The following TEKT1 variants were observed in gnomAD, a reference collection of about 807,000 sequenced individuals.
The protein encoded by TEKT1 is tektin-1.
Under a neutral mutation model 34.8 loss-of-function variants are expected in TEKT1, and 32 were observed. That is an observed-to-expected ratio of 0.92 (90% CI 0.69 to 1.23). The LOEUF is 1.23. Among genes scored for constraint, TEKT1 ranks in the 50% most tolerant of loss-of-function variants. TEKT1 has a pLI of 0.00. For missense variants in TEKT1, 492 were observed against 518.5 expected (o/e 0.95, Z 0.50); for synonymous variants, 207 against 199.8 (o/e 1.04, Z -0.30).
At chr17:6,821,591 T>C (rs1288824934) in intron 2 of TEKT1, among the ~76,000 whole-genome samples, 1 of 152,212 alleles carries the variant, frequency 6.6e-6, no homozygotes, top group African/African-American at 2.4e-5. Context: ...GCTATAAAGA[T>C]AACCTGGAAA....
In TEKT1 at chr17:6,815,860, G is replaced by A; in HGVS notation, c.459C>T (p.Thr153=). 1 of 1,614,192 alleles carries A rather than the reference G, an allele frequency of 6.2e-7. No individual in the cohort carries two copies. The highest frequency in any genetic ancestry group is 8.5e-7 in the Non-Finnish European group (1 of 1,180,032). ...GAATCTGCTCGGAAGCCTCCTCCAA[G>A]GTACGGGTCAGCAGAGCCATAATGC... is the stretch of plus-strand genomic sequence containing the variant. ...IQGIMALLTR[T]LEEASEQIRM... Residue 153 remains threonine (T), a synonymous_variant, in exon 4 of 8, where the codon ACC becomes ACT. Transcript: ENST00000338694.
chr17:6,828,008 G>A (rs986420528), intron 2 of TEKT1, among the ~76,000 whole-genome samples: 21 of 151,776 alleles, frequency 1.4e-4, no homozygotes, highest in African/African-American at 3.6e-4. Context: ...GCAGTGGCAC[G>A]ATCTCGGCTC....
chr17:6,810,747 A>AT (rs141051341), intron 6 of TEKT1, among the ~76,000 whole-genome samples: 13,272 of 151,696 alleles, frequency 0.087, 682 homozygotes, highest in Middle Eastern at 0.18. Context: ...ATTTTTATGC[A>AT]TTTTTTTTGA....
chr17:6,813,658 T>C (rs1976959525), intron 5 of TEKT1, among the ~76,000 whole-genome samples: 1 of 151,664 alleles, frequency 6.6e-6, no homozygotes, highest in South Asian at 2.1e-4. Context: ...TCAGGAAAGT[T>C]ATTACCTTCA....
chr17:6,807,112 A>T (rs1976855642), intron 6 of TEKT1, among the ~76,000 whole-genome samples: 1 of 152,144 alleles, frequency 6.6e-6, no homozygotes, highest in African/African-American at 2.4e-5. Flanking sequence ...CACCAATCAG[A>T]TGTAGATTTG....
At chr17:6,823,762 A>T (rs1256018764) in intron 2 of TEKT1, among the ~76,000 whole-genome samples, 1 of 150,720 alleles carries the variant, frequency 6.6e-6, no homozygotes, top group Non-Finnish European at 1.5e-5. Flanking sequence ...TCTCTTAGAC[A>T]TTTAGACAAC....
intron 7 of TEKT1, among the ~76,000 whole-genome samples, chr17:6,800,507 G>A (rs1976754869): frequency 6.6e-6 from 1 of 152,206 alleles, no homozygotes. Flanking sequence ...GTTTAAAACT[G>A]CAGATTTGAC....
intron 6 of TEKT1, among the ~76,000 whole-genome samples, chr17:6,807,863 T>C (rs1347276483): frequency 6.6e-6 from 1 of 152,186 alleles, no homozygotes; most frequent in African/African-American, 2.4e-5. Flanking sequence ...CCGTGTGAGG[T>C]GTCAGTCTGC....
In TEKT1 at chr17:6,798,522, C is replaced by G. The variant is rs373353028; in HGVS notation, c.*1505G>C. Reference sequence around the variant, plus strand: ...GGCTTCCCAGTGAGCAGAGAGGGGCCTCCCTCCTTGATTGAGGCATGGGAA... The same window carrying G: ...GGCTTCCCAGTGAGCAGAGAGGGGCGTCCCTCCTTGATTGAGGCATGGGAA... On this transcript the variant is annotated 3_prime_UTR_variant, in exon 8 of 8. Transcript: ENST00000338694. The G allele has an allele frequency of 3.3e-5, 5 of 152,272 alleles. No homozygotes were observed. The East Asian group carries it at 5.8e-4, about 18-fold the overall frequency. The allele number at this position is 152,272 out of a possible 1,614,324, so 9.4% of individuals were successfully genotyped here.
At chr17:6,804,180 C>T (rs1229097700) in intron 6 of TEKT1, among the ~76,000 whole-genome samples, 1 of 152,044 alleles carries the variant, frequency 6.6e-6, no homozygotes, top group Non-Finnish European at 1.5e-5. Flanking sequence ...CTTCACATCC[C>T]TTGTAAATTG....
At chr17:6,802,890 G>T (rs1229623698) in intron 6 of TEKT1, among the ~76,000 whole-genome samples, 2 of 152,078 alleles carry the variant, frequency 1.3e-5, no homozygotes, top group Non-Finnish European at 1.5e-5. Flanking sequence ...CCAAGTCTTT[G>T]CTATTGTGAA....
At chr17:6,824,720 A>G (rs974575492) in intron 2 of TEKT1, among the ~76,000 whole-genome samples, 20 of 152,204 alleles carry the variant, frequency 1.3e-4, no homozygotes, top group African/African-American at 4.8e-4. Flanking sequence ...AGCATCTAGC[A>G]CAGGGTCAGA....
chr17:6,829,008 G>A (rs112241111), intron 2 of TEKT1, among the ~76,000 whole-genome samples: 4,879 of 152,008 alleles, frequency 0.032, 118 homozygotes, highest in Non-Finnish European at 0.051. Flanking sequence ...AAAATTAGCC[G>A]GGTGTGATGG....
chr17:6,818,412 C>A (rs1294060026), intron 3 of TEKT1, among the ~76,000 whole-genome samples: 1 of 152,050 alleles, frequency 6.6e-6, no homozygotes, highest in Non-Finnish European at 1.5e-5. Context: ...TAGAAAGGAT[C>A]ATTCTATTCA....
rs918518159 is a variant in TEKT1, at chr17:6,811,882, C to A, written c.852+949G>T. Among the ~76,000 whole-genome samples, 1 of 152,216 alleles carries A rather than the reference C, an allele frequency of 6.6e-6. No homozygotes were observed. Among genetic ancestry groups the A allele is most frequent in the South Asian group, 2.1e-4 (1 of 4,824 alleles). On this transcript the variant is annotated intron_variant, in intron 6 of 7. Transcript: ENST00000338694. This position sits in a 1 kb window ranked among gnomAD's most constrained non-coding sequence, Gnocchi z 4.4. ...ACATCGACAAATTCTACAGGAAGGA[C>A]CCTAATCTGTAGAATTTGCCGATAT...
chr17:6,821,464 G>A (rs899975784), intron 2 of TEKT1, among the ~76,000 whole-genome samples: 3 of 152,178 alleles, frequency 2.0e-5, no homozygotes, highest in African/African-American at 7.2e-5. Context: ...CCCTAGCCAT[G>A]TGGAACTGTG....
intron 3 of TEKT1, among the ~76,000 whole-genome samples, chr17:6,818,020 A>G (rs1166314278): frequency 6.6e-5 from 10 of 152,260 alleles, no homozygotes; most frequent in Admixed American, 6.5e-4. Flanking sequence ...GGTCCTGTTT[A>G]AGCTTATGGA....
At chr17:6,804,890 A>G (rs1462009252) in intron 6 of TEKT1, among the ~76,000 whole-genome samples, 5 of 152,118 alleles carry the variant, frequency 3.3e-5, no homozygotes, top group Non-Finnish European at 5.9e-5. Context: ...TTTTTGCATC[A>G]ATGTTCATCA....
intron 2 of TEKT1, among the ~76,000 whole-genome samples, chr17:6,828,430 G>T (rs1315103034): frequency 6.6e-6 from 1 of 152,166 alleles, no homozygotes; most frequent in South Asian, 2.1e-4. Context: ...ATCCATAAAC[G>T]TGTTTGTTCA....
Sources: allele counts gnomAD v4.1 joint callset (sites outside exome capture counted in the v4.1 genomes callset), GRCh38; gene constraint gnomAD v4.1.1; non-coding constraint Gnocchi (gnomAD v3.1); transcripts MANE v1.5; gene names NCBI Gene and HGNC (gene_info 2026-07-23, HGNC 2026-07-21).